Variants in STAT2 observed in about 807,000 individuals in gnomAD.
The protein encoded by STAT2 is signal transducer and activator of transcription 2.
A neutral mutation model predicts 122.3 loss-of-function variants in STAT2; 51 were observed. That is an observed-to-expected ratio of 0.42 (90% CI 0.33 to 0.53). The LOEUF (loss-of-function observed/expected upper bound fraction) is 0.53. Among genes scored for constraint, STAT2 ranks in the 20% least tolerant of loss-of-function variants. The probability of loss-of-function intolerance (pLI) is 0.10; values close to 1 mark genes in which losing one functional copy is unlikely to be tolerated. For synonymous variants in STAT2, 351 were observed against 394.9 expected (o/e 0.89, Z 1.32); for missense variants, 736 against 1,010.3 (o/e 0.73, Z 3.68).
intron 1 of STAT2, among the ~76,000 whole-genome samples, chr12:56,359,489 A>G (rs1402259612): frequency 7.0e-6 from 1 of 143,778 alleles, no homozygotes; most frequent in Non-Finnish European, 1.6e-5. Flanking sequence ...GTCAGCAAAG[A>G]TTCAAATATG....
intron 21 of STAT2, 47 bp downstream of exon 21, chr12:56,346,395 T>C: frequency 6.2e-7 from 1 of 1,607,850 alleles, no homozygotes; most frequent in Non-Finnish European, 8.5e-7. Flanking sequence ...TATGGATGTC[T>C]GGTAGATCTC....
At chr12:56,356,791 T>G (rs1879570035) in intron 1 of STAT2, among the ~76,000 whole-genome samples, 1 of 152,190 alleles carries the variant, frequency 6.6e-6, no homozygotes, top group Non-Finnish European at 1.5e-5. Flanking sequence ...TTGGTGCATA[T>G]TCTTCCAGGG....
At chr12:56,351,898 G>GTTT (rs909567365) in intron 8 of STAT2, among the ~76,000 whole-genome samples, 1 of 142,546 alleles carries the variant, frequency 7.0e-6, no homozygotes. Flanking sequence ...CTCACACTTT[G>GTTT]TTTTTTTTTT....
Position 56,355,734 on chromosome 12 carries a change from A to C in STAT2, c.355T>G (p.Leu119Val). The C allele has an allele frequency of 1.9e-6, 3 of 1,614,102 alleles. No homozygotes were observed. The highest frequency in any genetic ancestry group is 2.5e-6 in the Non-Finnish European group (3 of 1,180,022). ...AATTGGGCCCTCTGAGCCTGGATCAAAATTCTTTTTTCTTCCAGAAGGAGG... is the reference window on the plus strand; with the variant it reads ...AATTGGGCCCTCTGAGCCTGGATCACAATTCTTTTTTCTTCCAGAAGGAGG... ...FNLLLEEKRI[L>V]IQAQRAQLEQ... is the part of the protein sequence containing the mutation. The change falls in exon 4 of 24, where the codon TTG becomes GTG. Residue 119 changes from leucine (L) to valine (V), a missense_variant. Physicochemically the swap from Leu to Val is conservative, Grantham distance 32. Transcript: ENST00000314128.
chr12:56,355,413 T>A (rs1464742012), intron 5 of STAT2, 30 bp downstream of exon 5: 1 of 1,614,136 alleles, frequency 6.2e-7, no homozygotes, highest in Non-Finnish European at 8.5e-7. Context: ...CTGAACGCTG[T>A]CAACCCTAAC....
At chr12:56,352,576 G>A (rs1217542463) in intron 8 of STAT2, 1 of 149,176 alleles carries the variant, frequency 6.7e-6, no homozygotes. Flanking sequence ...GACAGAGAGA[G>A]ACCCTGTCTC....
chr12:56,350,300 T>C, intron 12 of STAT2, 110 bp from the exon 13 acceptor site: 2 of 1,450,306 alleles, frequency 1.4e-6, no homozygotes, highest in East Asian at 4.5e-5. Flanking sequence ...CATCTCCCTT[T>C]GTCCATATCC....
chr12:56,346,771 C>G (rs563341216), intron 20 of STAT2, 48 bp downstream of exon 20: 1 of 1,610,180 alleles, frequency 6.2e-7, no homozygotes, highest in East Asian at 2.2e-5. Context: ...AAGAGGGGAG[C>G]CAGGCAGAAA....
Position 56,350,136 on chromosome 12 carries a change from C to G in STAT2, c.1170G>C (p.Lys390Asn). The G allele has an allele frequency of 6.2e-7, 1 of 1,613,654 alleles. No homozygotes were observed. The highest frequency in any genetic ancestry group is 8.5e-7 in the Non-Finnish European group (1 of 1,179,926). The change falls in exon 13 of 24, where the codon AAG becomes AAC. Residue 390 changes from lysine to asparagine, a missense_variant. Coordinates refer to ENST00000314128, the MANE Select transcript of STAT2 (RefSeq NM_005419.4). ...CCCAAATCAAACCCTGACTCTGCCC[C>G]TTCTCGGGGGTCAAAGTTTTCTGGT... ...TSNQKTLTPEKGQSQGLIWDF... is the reference protein window; with the variant it reads ...TSNQKTLTPENGQSQGLIWDF...
Position 56,349,243 on chromosome 12 carries a change from C to T in STAT2, c.1360G>A (p.Val454Met), listed in dbSNP as rs1211423547. 11 of 1,614,064 alleles carry T rather than the reference C, an allele frequency of 6.8e-6. No homozygotes were observed. Among genetic ancestry groups the T allele is most frequent in the Non-Finnish European group, 9.3e-6 (11 of 1,180,056 alleles). ...QELKTDTLPV[V>M]IISNMNQLSI... Reference sequence around the variant, plus strand: ...AGCTGGTTCATGTTGGAAATAATCACCACAGGGAGGGTGTCCGTCTGGGGA... The same window carrying T: ...AGCTGGTTCATGTTGGAAATAATCATCACAGGGAGGGTGTCCGTCTGGGGA... Residue 454 changes from valine to methionine, a missense_variant, in exon 16 of 24, where the codon GTG becomes ATG. Val to Met is a conservative substitution (Grantham distance 21). Coordinates refer to ENST00000314128, the MANE Select transcript of STAT2 (RefSeq NM_005419.4).
chr12:56,351,026 A>G lies in STAT2; in HGVS notation c.1034+72T>C, dbSNP rs1262975177. The G allele has an allele frequency of 7.0e-6, 11 of 1,580,476 alleles. No homozygotes were observed. The Admixed American group carries it at 1.9e-4, about 27-fold the overall frequency. Reference sequence around the variant, plus strand: ...AGAAGAAAAAGCCAAGAGTGGGAAGAGCTGTAAAGCCAGAAAATACACAGT... The same window carrying G: ...AGAAGAAAAAGCCAAGAGTGGGAAGGGCTGTAAAGCCAGAAAATACACAGT... On this transcript the variant is annotated intron_variant, in intron 10 of 23. Coordinates refer to ENST00000314128, the MANE Select transcript of STAT2 (RefSeq NM_005419.4).
At chr12:56,345,096 C>T (rs1349846232) in intron 22 of STAT2, among the ~76,000 whole-genome samples, 1 of 148,116 alleles carries the variant, frequency 6.8e-6, no homozygotes, top group Non-Finnish European at 1.5e-5. Flanking sequence ...ATTGCTTGAG[C>T]CTGGGAGGCA....
At chr12:56,350,247 C>CA in intron 12 of STAT2, 57 bp from the exon 13 acceptor site, 3 of 1,417,110 alleles carry the variant, frequency 2.1e-6, no homozygotes, top group Admixed American at 2.1e-5. Context: ...AAAAACTCAG[C>CA]AGAAAAAAAA....
At chr12:56,354,993 T>A in intron 6 of STAT2, 130 bp from the exon 7 acceptor site, 1 of 992,138 alleles carries the variant, frequency 1.0e-6, no homozygotes, top group Non-Finnish European at 1.5e-6. Flanking sequence ...CAGGCACCTG[T>A]GGGACCCTCA....
At chr12:56,347,910 C>A (rs1044203792) in intron 19 of STAT2, among the ~76,000 whole-genome samples, 2 of 152,068 alleles carry the variant, frequency 1.3e-5, no homozygotes, top group Admixed American at 1.3e-4. Flanking sequence ...CAACTGTGTC[C>A]CTTGGGTAAG....
In STAT2 at chr12:56,343,181, T is replaced by C; in HGVS notation, c.*208A>G. On this transcript the variant is annotated 3_prime_UTR_variant, in exon 24 of 24. Transcript: ENST00000314128. ...CCAGGATCCTATTTAGACCTATGGC[T>C]CAGCATCTGTTCTGATTCATTGTTG... The C allele has an allele frequency of 1.6e-6, 1 of 616,730 alleles. No homozygotes were observed. The highest frequency in any genetic ancestry group is 2.6e-6 in the Non-Finnish European group (1 of 385,546). 38.2% of individuals were successfully genotyped at this position (616,730 alleles called of 1,614,324 possible).
rs762129965 is a variant in STAT2 at position 56,354,821 on chromosome 12, T to G, written c.590A>C (p.Lys197Thr). 11 of 1,614,156 alleles carry G rather than the reference T, an allele frequency of 6.8e-6. No homozygotes were observed. The highest frequency in any genetic ancestry group is 9.3e-6 in the Non-Finnish European group (11 of 1,180,016). ...TTCATTGAGAGTTTCCTGCAGAATC[T>G]TCTGCTCTTTGGTCTGATGGGGGTC... is the stretch of plus-strand genomic sequence containing the variant. ...SLDPHQTKEQ[K>T]ILQETLNELD... The change falls in exon 7 of 24, where the codon AAG (lysine) becomes ACG (threonine). Residue 197 changes from lysine (K) to threonine (T), a missense_variant. Physicochemically the swap from Lys to Thr is moderately conservative, Grantham distance 78. Transcript: ENST00000314128.
Position 56,351,377 on chromosome 12 carries a change from C to T in STAT2, c.856G>A (p.Val286Ile), listed in dbSNP as rs772259730. The T allele has an allele frequency of 1.9e-6, 3 of 1,614,112 alleles. No individual in the cohort carries two copies. Among genetic ancestry groups the T allele is most frequent in the Non-Finnish European group, 2.5e-6 (3 of 1,180,040 alleles). The change falls in exon 9 of 24, where the codon GTT becomes ATT. Residue 286 changes from valine to isoleucine, a missense_variant. Coordinates refer to ENST00000314128, the MANE Select transcript of STAT2 (RefSeq NM_005419.4). ...LKELKGLSCL[V>I]SYQDDPLTKG... ...GTCAGAGGGTCATCCTGATAGCTAA[C>T]CAGGCAACTCAGTCCCTTCAGCTCC...
chr12:56,343,364 G>T lies in STAT2; in HGVS notation c.*25C>A. 1 of 1,607,032 alleles carries T rather than the reference G, an allele frequency of 6.2e-7. No individual in the cohort carries two copies. Among genetic ancestry groups the T allele is most frequent in the Non-Finnish European group, 8.5e-7 (1 of 1,175,336 alleles). ...GAGGAGTAGGAAGGGCAAGAGATAT[G>T]AAAAGAACAGAGGAAATGTGGTTCC... On this transcript the variant is annotated 3_prime_UTR_variant, in exon 24 of 24. Coordinates refer to ENST00000314128, the MANE Select transcript of STAT2 (RefSeq NM_005419.4).
Sources: allele counts gnomAD v4.1 joint callset (sites outside exome capture counted in the v4.1 genomes callset), GRCh38; gene constraint gnomAD v4.1.1; transcripts MANE v1.5; gene names NCBI Gene and HGNC (gene_info 2026-07-23, HGNC 2026-07-21).